SGK3: variants seen among roughly 807,000 people sequenced by gnomAD.
SGK3 encodes the protein serine/threonine-protein kinase Sgk3.
A neutral mutation model predicts 68.5 loss-of-function variants in SGK3; 47 were observed. That is an observed-to-expected ratio of 0.69 (90% CI 0.54 to 0.87). The LOEUF (loss-of-function observed/expected upper bound fraction) is 0.87, where lower values mean the gene tolerates loss of function less well. SGK3 is among the 40% of genes least tolerant of loss of function. The pLI is 0.00. For missense variants in SGK3, 479 were observed against 575.5 expected (o/e 0.83, Z 1.72); for synonymous variants, 181 against 189.1 (o/e 0.96, Z 0.35).
At chr8:66,761,033 GGAAATGTACTCAAAGGTCAAGATTGAA>G (rs914105724) in intron 1 of SGK3, among the ~76,000 whole-genome samples, 5 of 149,224 alleles carry the variant, frequency 3.4e-5, no homozygotes, top group Admixed American at 6.7e-5. Flanking sequence ...AAAAAAAAAA[GGAAATGTACTCAAAGGTCAAGATTGAA>G]TAAAATTAGT....
intron 15 of SGK3, among the ~76,000 whole-genome samples, chr8:66,849,330 T>TG (rs1810167530): frequency 6.6e-6 from 1 of 152,188 alleles, no homozygotes; most frequent in Admixed American, 6.5e-5. Context: ...AGGACATCAC[T>TG]GTCCATGTGG....
intron 2 of SGK3, among the ~76,000 whole-genome samples, chr8:66,795,807 G>A (rs1178676194): frequency 6.6e-6 from 1 of 151,818 alleles, no homozygotes; most frequent in Non-Finnish European, 1.5e-5. Context: ...ATAAAAAATA[G>A]CACCTTCACA....
At chr8:66,761,079 C>T (rs1806152017) in intron 1 of SGK3, among the ~76,000 whole-genome samples, 1 of 151,296 alleles carries the variant, frequency 6.6e-6, no homozygotes, top group Non-Finnish European at 1.5e-5. Flanking sequence ...GTAATCTTTA[C>T]TGCTTTATCA....
chr8:66,715,895 C>G (rs1035752205), intron 1 of SGK3, among the ~76,000 whole-genome samples: 2 of 152,152 alleles, frequency 1.3e-5, no homozygotes, highest in Non-Finnish European at 2.9e-5. Flanking sequence ...GTAAGAAACC[C>G]TTAATGAAGC....
chr8:66,793,820 G>A lies in SGK3; in HGVS notation c.84G>A (p.Lys28=). Residue 28 remains lysine (K), a synonymous_variant, in exon 2 of 17, where the codon AAG becomes AAA. Coordinates refer to ENST00000521198, the MANE Select transcript of SGK3 (RefSeq NM_001033578.3). ...GCTCCGATGAACACAGAGAGAAAAA[G>A]AAGAGGTTTACTGTAAGTATTTAAC... The part of the protein sequence containing the change: ...IPSSDEHREK[K]KRFTVYKVLV... 6.2e-7 allele frequency: 1 copy of A among 1,612,520 alleles called. No homozygotes were observed. Among genetic ancestry groups the A allele is most frequent in the Non-Finnish European group, 8.5e-7 (1 of 1,179,036 alleles).
intron 1 of SGK3, among the ~76,000 whole-genome samples, chr8:66,728,972 C>A (rs1805058564): frequency 1.3e-5 from 2 of 151,696 alleles, no homozygotes; most frequent in South Asian, 4.2e-4. Flanking sequence ...GTAATCCCAG[C>A]ACTTTGGGAG....
At chr8:66,793,924 T>TC in intron 2 of SGK3, 92 bp downstream of exon 2, 1 of 1,300,004 alleles carries the variant, frequency 7.7e-7, no homozygotes, top group Non-Finnish European at 1.1e-6. Flanking sequence ...AACACCCCCT[T>TC]CCCCATCTCC....
chr8:66,747,499 G>A (rs1805687181), intron 1 of SGK3, among the ~76,000 whole-genome samples: 1 of 152,126 alleles, frequency 6.6e-6, no homozygotes, highest in Non-Finnish European at 1.5e-5. Context: ...GATCTGGTAT[G>A]GTGCCATATT....
At chr8:66,800,137 C>G (rs1337729420) in intron 3 of SGK3, among the ~76,000 whole-genome samples, 1 of 151,760 alleles carries the variant, frequency 6.6e-6, no homozygotes, top group Non-Finnish European at 1.5e-5. Flanking sequence ...GTCAGGAGAT[C>G]GAGACCATCC....
In SGK3 at chr8:66,841,023, G is replaced by A. The variant is rs1207587774; in HGVS notation, c.892-1G>A. Reference sequence around the variant, plus strand: ...TATCTTACTGCCCCTGTATTTGTCAGGGACATGTTGTCTTAACAGATTTTG... The same window carrying A: ...TATCTTACTGCCCCTGTATTTGTCAAGGACATGTTGTCTTAACAGATTTTG... On this transcript the variant is annotated splice_acceptor_variant, in intron 12 of 16. Transcript: ENST00000521198. LOFTEE classifies it high-confidence loss of function. 4.4e-6 allele frequency: 7 copies of A among 1,585,224 alleles called. No individual in the cohort carries two copies. Among genetic ancestry groups the A allele is most frequent in the Non-Finnish European group, 6.0e-6 (7 of 1,168,306 alleles).
chr8:66,760,585 C>T (rs975363626), intron 1 of SGK3, among the ~76,000 whole-genome samples: 5 of 151,966 alleles, frequency 3.3e-5, no homozygotes, highest in Non-Finnish European at 7.4e-5. Context: ...CCGTCCGCCT[C>T]GGCCTCCCAA....
chr8:66,842,345 C>T (rs544360736), intron 13 of SGK3, among the ~76,000 whole-genome samples: 3 of 151,902 alleles, frequency 2.0e-5, no homozygotes, highest in Non-Finnish European at 2.9e-5. Flanking sequence ...CTCAGCCCCC[C>T]GAGTAGCTGG....
chr8:66,717,237 C>CA (rs925998705), intron 1 of SGK3, among the ~76,000 whole-genome samples: 141 of 104,370 alleles, frequency 1.4e-3, no homozygotes, highest in South Asian at 2.7e-3. Flanking sequence ...ACAAAAAAAA[C>CA]AAAAAAAAAA....
chr8:66,841,218 C>T, intron 13 of SGK3, 108 bp downstream of exon 13: 2 of 900,888 alleles, frequency 2.2e-6, no homozygotes, highest in East Asian at 3.2e-5. Context: ...TAAAAACTGT[C>T]ATTTCAGCTT....
At chr8:66,753,860 C>G (rs1277746156) in intron 1 of SGK3, among the ~76,000 whole-genome samples, 1 of 152,154 alleles carries the variant, frequency 6.6e-6, no homozygotes, top group African/African-American at 2.4e-5. Flanking sequence ...ATCTCCCCCT[C>G]TCCATACCTC....
chr8:66,717,532 AAAAAG>A (rs1478998488), intron 1 of SGK3, among the ~76,000 whole-genome samples: 1 of 152,132 alleles, frequency 6.6e-6, no homozygotes, highest in Non-Finnish European at 1.5e-5. Context: ...CTTCTCAAAA[AAAAAG>A]AAAAGAAAAC....
chr8:66,807,902 T>C (rs1490616006), intron 4 of SGK3, among the ~76,000 whole-genome samples: 1 of 152,156 alleles, frequency 6.6e-6, no homozygotes, highest in Non-Finnish European at 1.5e-5. Flanking sequence ...GAGCTAGATA[T>C]AACATACTTG....
At chr8:66,824,054 TG>T (rs1386139255) in intron 6 of SGK3, among the ~76,000 whole-genome samples, 2 of 152,170 alleles carry the variant, frequency 1.3e-5, no homozygotes, top group Non-Finnish European at 2.9e-5. Flanking sequence ...ACCTTCATTT[TG>T]AAAAAAGACA....
intron 1 of SGK3, among the ~76,000 whole-genome samples, chr8:66,767,088 G>A (rs573538210): frequency 5.3e-4 from 80 of 152,174 alleles, no homozygotes; most frequent in Middle Eastern, 6.8e-3. Flanking sequence ...CAGGTGATCC[G>A]CCTGCCTCAG....
Sources: allele counts gnomAD v4.1 joint callset (sites outside exome capture counted in the v4.1 genomes callset), GRCh38; gene constraint gnomAD v4.1.1; transcripts MANE v1.5; gene names NCBI Gene and HGNC (gene_info 2026-07-23, HGNC 2026-07-21).